The following EFEMP1 variants were observed in gnomAD, a reference collection of about 807,000 sequenced individuals.
EFEMP1 encodes the protein EGF-containing fibulin-like extracellular matrix protein 1.
In EFEMP1, 18 loss-of-function variants were observed where a neutral mutation model predicts 65.7. That is an observed-to-expected ratio of 0.27 (90% CI 0.19 to 0.41). The LOEUF is 0.41. Ranked by LOEUF, EFEMP1 falls within the 10% of genes least tolerant of loss-of-function variation. The pLI is 1.00. For missense variants in EFEMP1, 469 were observed against 624.8 expected, an observed-to-expected ratio of 0.75 and a Z score of 2.66; for synonymous variants, 237 against 219.7, an observed-to-expected ratio of 1.08 and a Z score of -0.70.
At chr2:55,868,477 A>G (rs1327502990) in intron 11 of EFEMP1, among the ~76,000 whole-genome samples, 1 of 152,158 alleles carries the variant, frequency 6.6e-6, no homozygotes, top group African/African-American at 2.4e-5. Flanking sequence ...GATGTTGGAT[A>G]TTCAACCTTC....
intron 5 of EFEMP1, among the ~76,000 whole-genome samples, chr2:55,890,551 CATT>C (rs1451539497): frequency 1.3e-5 from 2 of 151,990 alleles, no homozygotes; most frequent in African/African-American, 4.8e-5. Context: ...TATATGCTGG[CATT>C]AAAGTAAGTC....
intron 5 of EFEMP1, among the ~76,000 whole-genome samples, chr2:55,901,343 CTTG>C (rs1670024026): frequency 6.6e-6 from 1 of 152,102 alleles, no homozygotes; most frequent in Non-Finnish European, 1.5e-5. Flanking sequence ...ATGAAAATTA[CTTG>C]TTGAGTGGAG....
intron 5 of EFEMP1, among the ~76,000 whole-genome samples, chr2:55,902,959 CTCTT>C (rs1428862766): frequency 6.6e-6 from 1 of 152,210 alleles, no homozygotes; most frequent in Admixed American, 6.5e-5. Flanking sequence ...TTCTCTCTGT[CTCTT>C]TCTCTTTCCT....
intron 5 of EFEMP1, among the ~76,000 whole-genome samples, chr2:55,900,006 A>G (rs532566809): frequency 6.6e-6 from 1 of 152,206 alleles, no homozygotes; most frequent in African/African-American, 2.4e-5. Context: ...CACTTCTTCA[A>G]ATTTGTTCCA....
intron 5 of EFEMP1, among the ~76,000 whole-genome samples, chr2:55,906,808 C>T (rs984140657): frequency 6.6e-6 from 1 of 152,110 alleles, no homozygotes; most frequent in Non-Finnish European, 1.5e-5. Flanking sequence ...TTTGAATCCA[C>T]CTTAAACGAT....
At chr2:55,879,446 G>A (rs1026731737) in intron 6 of EFEMP1, among the ~76,000 whole-genome samples, 4 of 152,142 alleles carry the variant, frequency 2.6e-5, no homozygotes, top group Admixed American at 2.6e-4. Context: ...TATTATCCCA[G>A]TTCCTAGAAC....
chr2:55,886,269 T>C lies in EFEMP1; in HGVS notation c.518-4535A>G, dbSNP rs1669417510. On this transcript the variant is annotated intron_variant, in intron 5 of 11. Coordinates refer to ENST00000355426, the MANE Select transcript of EFEMP1 (RefSeq NM_001039348.3). The surrounding 1 kb of genome is among the most constrained non-coding windows in gnomAD (Gnocchi z 4.0). ...TCTATCCTCAACAATAACACACAGA[T>C]TTTTAAAAGTATTCAGATTCTTCAC... Among the ~76,000 whole-genome samples the C allele has an allele frequency of 6.6e-6, 1 of 152,162 alleles. No individual in the cohort carries two copies. Among genetic ancestry groups the C allele is most frequent in the African/African-American group, 2.4e-5 (1 of 41,442 alleles).
chr2:55,895,424 T>G (rs977722616), intron 5 of EFEMP1, among the ~76,000 whole-genome samples: 1 of 152,092 alleles, frequency 6.6e-6, no homozygotes, highest in South Asian at 2.1e-4. Flanking sequence ...TCCGTAAGCC[T>G]CCCTCTAAAT....
In EFEMP1 at chr2:55,923,552, C is replaced by T. The variant is rs1016647170; in HGVS notation, c.-49+159G>A. ...CTTGCTGACAGATCGCATTCCGAGG[C>T]TGCACACCTCCACCTCCCTCTCTGC... On this transcript the variant is annotated intron_variant, in intron 1 of 11. Coordinates refer to ENST00000355426, the MANE Select transcript of EFEMP1 (RefSeq NM_001039348.3). The surrounding 1 kb of genome is among the most constrained non-coding windows in gnomAD (Gnocchi z 5.3). 1.3e-5 allele frequency among the ~76,000 whole-genome samples: 2 copies of T among 152,194 alleles called. No individual in the cohort carries two copies. Among genetic ancestry groups the T allele is most frequent in the African/African-American group, 4.8e-5 (2 of 41,466 alleles).
At chr2:55,916,570 G>C (rs1670696675) in intron 5 of EFEMP1, among the ~76,000 whole-genome samples, 2 of 152,202 alleles carry the variant, frequency 1.3e-5, no homozygotes, top group Non-Finnish European at 2.9e-5. Flanking sequence ...GGTGTTAAGG[G>C]AGGAAGGTGC....
At chr2:55,895,471 C>T (rs1669788210) in intron 5 of EFEMP1, among the ~76,000 whole-genome samples, 1 of 152,126 alleles carries the variant, frequency 6.6e-6, no homozygotes, top group Non-Finnish European at 1.5e-5. Flanking sequence ...CTTGGGGGTC[C>T]AGCTCAACTC....
chr2:55,907,763 G>T (rs1259841821), intron 5 of EFEMP1, among the ~76,000 whole-genome samples: 1 of 152,184 alleles, frequency 6.6e-6, no homozygotes, highest in African/African-American at 2.4e-5. Flanking sequence ...ACTTTGGATT[G>T]TGTTCTGTGG....
At position 55,871,503 on chromosome 2, in the gene EFEMP1, GAGAT is replaced by G. The variant is rs923997838; in HGVS notation, c.1001-384_1001-381del. Among the ~76,000 whole-genome samples, 1 of 152,222 alleles carries G rather than the reference GAGAT, an allele frequency of 6.6e-6. No individual in the cohort carries two copies. Among genetic ancestry groups the G allele is most frequent in the Admixed American group, 6.5e-5 (1 of 15,276 alleles). On this transcript the variant is annotated intron_variant, in intron 9 of 11. Coordinates refer to ENST00000355426, the MANE Select transcript of EFEMP1 (RefSeq NM_001039348.3). The surrounding 1 kb of genome is among the most constrained non-coding windows in gnomAD (Gnocchi z 4.2). ...TAGAAAGTAAAATGGAATTAAGTAA[GAGAT>G]AGATAAGTATACTGGGGCATGTGGA...
At chr2:55,900,682 A>G (rs1319376044) in intron 5 of EFEMP1, among the ~76,000 whole-genome samples, 1 of 151,772 alleles carries the variant, frequency 6.6e-6, no homozygotes, top group African/African-American at 2.4e-5. Flanking sequence ...TCTCTGGTTA[A>G]TTGACAATCT....
intron 5 of EFEMP1, among the ~76,000 whole-genome samples, chr2:55,884,759 T>A (rs1669363589): frequency 6.6e-6 from 1 of 152,212 alleles, no homozygotes; most frequent in Admixed American, 6.5e-5. Flanking sequence ...AATTTATCCT[T>A]GACAGTTAAG....
At position 55,917,872 on chromosome 2, in the gene EFEMP1, C is replaced by T; in HGVS notation, c.310G>A (p.Ala104Thr). The change falls in exon 5 of 12, where the codon GCC (alanine) becomes ACC (threonine). Residue 104 changes from alanine (A) to threonine (T), a missense_variant. Ala to Thr is a moderately conservative substitution (Grantham distance 58). Coordinates refer to ENST00000355426, the MANE Select transcript of EFEMP1 (RefSeq NM_001039348.3). The surrounding 1 kb of genome is among the most constrained non-coding windows in gnomAD (Gnocchi z 6.3). Reference sequence around the variant, plus strand: ...ACTCCACTGGTTGCCATGCTGCTGGCAGCTACAACCCCGGTGGTTGCCCCT... The same window carrying T: ...ACTCCACTGGTTGCCATGCTGCTGGTAGCTACAACCCCGGTGGTTGCCCCT... Reference protein sequence around the residue: ...TSGATTGVVAASSMATSGVLP... With the variant: ...TSGATTGVVATSSMATSGVLP... 1 of 1,614,268 alleles carries T rather than the reference C, an allele frequency of 6.2e-7. No individual in the cohort carries two copies. Among genetic ancestry groups the T allele is most frequent in the South Asian group, 1.1e-5 (1 of 91,086 alleles).
intron 5 of EFEMP1, among the ~76,000 whole-genome samples, chr2:55,902,642 G>A (rs1258189391): frequency 6.6e-6 from 1 of 152,140 alleles, no homozygotes; most frequent in Non-Finnish European, 1.5e-5. Flanking sequence ...TCAGTGATTT[G>A]GTGCAGACTT....
intron 6 of EFEMP1, 139 bp downstream of exon 6, chr2:55,881,473 G>T: frequency 9.3e-7 from 1 of 1,076,110 alleles, no homozygotes; most frequent in African/African-American, 1.6e-5. Context: ...GTGGAAAATG[G>T]ATTGGTAGTC....
intron 5 of EFEMP1, among the ~76,000 whole-genome samples, chr2:55,915,604 G>A (rs1670648018): frequency 1.3e-5 from 2 of 151,996 alleles, no homozygotes; most frequent in South Asian, 4.2e-4. Context: ...ACTACTTTGG[G>A]AAATGACTCA....
Sources: allele counts gnomAD v4.1 joint callset (sites outside exome capture counted in the v4.1 genomes callset), GRCh38; gene constraint gnomAD v4.1.1; non-coding constraint Gnocchi (gnomAD v3.1); transcripts MANE v1.5; gene names NCBI Gene and HGNC (gene_info 2026-07-23, HGNC 2026-07-21).